Variants in CACNA1C observed in about 807,000 individuals in gnomAD.
CACNA1C encodes the protein voltage-dependent L-type calcium channel subunit alpha-1C.
Under a neutral mutation model 229.0 loss-of-function variants are expected in CACNA1C, and 30 were observed. The observed-to-expected ratio is 0.13, with a 90% confidence interval of 0.10 to 0.18. CACNA1C has a LOEUF of 0.18. Among genes scored for constraint, CACNA1C ranks in the 10% least tolerant of loss-of-function variants. CACNA1C has a pLI of 1.00. For synonymous variants in CACNA1C, 1,114 were observed against 1,132.5 expected (o/e 0.98, Z 0.33); for missense variants, 1,658 against 2,845.0 (o/e 0.58, Z 9.49).
chr12:2,118,835 G>C (rs2085199539), intron 2 of CACNA1C, among the ~76,000 whole-genome samples: 1 of 152,214 alleles, frequency 6.6e-6, no homozygotes, highest in Non-Finnish European at 1.5e-5. Flanking sequence ...TGGACTGGCT[G>C]CTTTACTTTT....
chr12:2,505,559 G>C (rs1055821839), intron 8 of CACNA1C, among the ~76,000 whole-genome samples: 1 of 152,148 alleles, frequency 6.6e-6, no homozygotes, highest in Non-Finnish European at 1.5e-5. Context: ...CAGCAACTCA[G>C]AAGGCTGAGA....
At chr12:2,248,921 T>C (rs2074434041) in intron 3 of CACNA1C, among the ~76,000 whole-genome samples, 1 of 152,198 alleles carries the variant, frequency 6.6e-6, no homozygotes, top group Admixed American at 6.5e-5. Flanking sequence ...ACAGAGCTGC[T>C]ATGAAGGTTG....
chr12:2,688,495 C>T lies in CACNA1C; in HGVS notation c.5833C>T (p.Pro1945Ser). The T allele has an allele frequency of 6.2e-7, 1 of 1,613,916 alleles. No individual in the cohort carries two copies. Among genetic ancestry groups the T allele is most frequent in the East Asian group, 2.2e-5 (1 of 44,890 alleles). Residue 1945 changes from proline to serine, a missense_variant, in exon 46 of 47, where the codon CCT becomes TCT. Physicochemically the swap from Pro to Ser is moderately conservative, Grantham distance 74. This residue lies in a region of CACNA1C where 590 missense variants were observed against 700.8 expected (regional missense o/e 0.84). Transcript: ENST00000399655. ...LSPLLQRSHSPASFPRPFATP... is the reference protein window; with the variant it reads ...LSPLLQRSHSSASFPRPFATP... ...CCCCCTCCTCCAGAGAAGCCATTCC[C>T]CTGCCTCATTCCCTAGGCCTTTTGC... is the stretch of plus-strand genomic sequence containing the variant.
At chr12:2,682,425 T>C in intron 42 of CACNA1C, 125 bp from the exon 43 acceptor site, 5 of 1,106,790 alleles carry the variant, frequency 4.5e-6, no homozygotes, top group Non-Finnish European at 6.5e-6. Flanking sequence ...TGTTCACGTG[T>C]GTGTGCTTGT....
At chr12:2,462,129 T>G (rs974612697) in intron 5 of CACNA1C, among the ~76,000 whole-genome samples, 2 of 149,710 alleles carry the variant, frequency 1.3e-5, no homozygotes, top group African/African-American at 4.9e-5. Flanking sequence ...TCCCTTGCTA[T>G]TCCTCCAACA....
At chr12:2,266,715 G>A (rs2154410103) in intron 3 of CACNA1C, among the ~76,000 whole-genome samples, 1 of 152,344 alleles carries the variant, frequency 6.6e-6, no homozygotes, top group East Asian at 1.9e-4. Flanking sequence ...TAAGGATCAA[G>A]TGAGATCATG....
At chr12:2,363,366 C>T (rs1401729062) in intron 3 of CACNA1C, among the ~76,000 whole-genome samples, 1 of 152,178 alleles carries the variant, frequency 6.6e-6, no homozygotes, top group Non-Finnish European at 1.5e-5. Context: ...TTCTATATTC[C>T]TGCTTTTGGA....
intron 3 of CACNA1C, among the ~76,000 whole-genome samples, chr12:2,151,233 AC>A: frequency 6.6e-6 from 1 of 152,236 alleles, no homozygotes; most frequent in East Asian, 1.9e-4. Context: ...CCCTGACTTT[AC>A]AGAATGAGGA....
chr12:2,378,458 A>C (rs933725623), intron 3 of CACNA1C, among the ~76,000 whole-genome samples: 24 of 152,196 alleles, frequency 1.6e-4, no homozygotes, highest in African/African-American at 5.8e-4. Flanking sequence ...ATTACCCATG[A>C]TTCCTCAAAT....
chr12:2,066,435 G>T (rs917102706), intron 1 of CACNA1C, among the ~76,000 whole-genome samples: 1 of 152,072 alleles, frequency 6.6e-6, no homozygotes, highest in Non-Finnish European at 1.5e-5. Flanking sequence ...AGGGTCTTGG[G>T]GATCAAGGCA....
chr12:2,234,124 G>C (rs1299706175), intron 3 of CACNA1C, among the ~76,000 whole-genome samples: 1 of 152,190 alleles, frequency 6.6e-6, no homozygotes, highest in East Asian at 1.9e-4. Flanking sequence ...AGCAAGGAGT[G>C]TTCTGCTGGA....
At chr12:2,010,818 C>T (rs1348882773) in intron 1 of CACNA1C, 2 of 152,074 alleles carry the variant, frequency 1.3e-5, no homozygotes, top group Non-Finnish European at 2.9e-5. Flanking sequence ...AGTAATCAGT[C>T]ATTTGATTAT....
intron 42 of CACNA1C, chr12:2,682,087 G>A (rs2097177036): frequency 1.6e-6 from 2 of 1,262,694 alleles, no homozygotes; most frequent in Non-Finnish European, 2.3e-6. Flanking sequence ...TTACCCCAGG[G>A]TGCCAGTGTC....
intron 1 of CACNA1C, among the ~76,000 whole-genome samples, chr12:2,072,155 T>C (rs1356224570): frequency 6.6e-6 from 1 of 151,598 alleles, no homozygotes; most frequent in African/African-American, 2.4e-5. Context: ...ACTCTTCAAA[T>C]GTATGCAACA....
chr12:2,216,251 ATCT>A (rs1000884396), intron 3 of CACNA1C, among the ~76,000 whole-genome samples: 1 of 152,180 alleles, frequency 6.6e-6, no homozygotes, highest in Non-Finnish European at 1.5e-5. Context: ...CTGGGACCAC[ATCT>A]TCTGGCCCCT....
chr12:2,513,054 A>G (rs1019443596), intron 9 of CACNA1C, 70 bp downstream of exon 9: 2 of 1,339,630 alleles, frequency 1.5e-6, no homozygotes, highest in Admixed American at 2.3e-5. Flanking sequence ...GGGTCAGCAC[A>G]GAACTTTGAC....
chr12:2,529,038 C>A (rs1198701263), intron 9 of CACNA1C, among the ~76,000 whole-genome samples: 1 of 152,192 alleles, frequency 6.6e-6, no homozygotes. Flanking sequence ...ACTTATACAT[C>A]AGAGATGTTA....
chr12:2,460,388 AAG>A (rs916937522), intron 5 of CACNA1C, among the ~76,000 whole-genome samples: 1 of 152,220 alleles, frequency 6.6e-6, no homozygotes, highest in Non-Finnish European at 1.5e-5. Flanking sequence ...GCCTACCACA[AAG>A]AGACTGAGGA....
At chr12:2,505,483 G>A (rs1268482347) in intron 8 of CACNA1C, among the ~76,000 whole-genome samples, 1 of 152,046 alleles carries the variant, frequency 6.6e-6, no homozygotes, top group African/African-American at 2.4e-5. Context: ...CCTAATTTCA[G>A]CCCTTGCTCA....
Sources: gnomAD v4.1 joint callset for allele counts (sites outside exome capture counted in the v4.1 genomes callset) on GRCh38, gnomAD v4.1.1 for gene constraint, gnomAD v4.1.1 regional missense constraint, MANE v1.5 for transcripts, NCBI Gene and HGNC (gene_info 2026-07-23, HGNC 2026-07-21) for gene names.